Variants in DMD observed in about 807,000 individuals in gnomAD.
The protein encoded by DMD is mutant dystrophin.
In DMD, 63 loss-of-function variants were observed where a neutral mutation model predicts 330.1. The ratio of observed to expected loss-of-function variants is 0.19; its 90% CI spans 0.16 to 0.24. The LOEUF is 0.24. DMD is among the 10% of genes least tolerant of loss of function. DMD has a pLI of 1.00. For synonymous variants in DMD, 1,223 were observed against 959.8 expected (o/e 1.27, Z -5.07); for missense variants, 3,344 against 2,684.1 (o/e 1.25, Z -5.43).
At chrX:33,037,276 G>C (rs1439499230) in intron 1 of DMD, among the ~76,000 whole-genome samples, 1 of 110,426 alleles carries the variant, frequency 9.1e-6, no homozygotes, top group Non-Finnish European at 1.9e-5. Context: ...ATTCAGATGG[G>C]AAGTTGCTCT....
intron 1 of DMD, among the ~76,000 whole-genome samples, chrX:33,218,794 TC>T (rs2052106260): frequency 1.8e-5 from 2 of 111,801 alleles, no homozygotes; most frequent in Middle Eastern, 4.7e-3. Flanking sequence ...ATTTTAAAAA[TC>T]GTTTTTTTCC....
At chrX:32,785,760 G>C (rs985005161) in intron 7 of DMD, among the ~76,000 whole-genome samples, 3 of 110,751 alleles carry the variant, frequency 2.7e-5, no homozygotes, top group Non-Finnish European at 5.7e-5. Context: ...CAAAATTCGA[G>C]ATATAATAGA....
intron 43 of DMD, among the ~76,000 whole-genome samples, chrX:32,259,977 T>G (rs984985973): frequency 9.0e-6 from 1 of 111,409 alleles, no homozygotes; most frequent in African/African-American, 3.3e-5. Flanking sequence ...CATGGAAGGA[T>G]CATTTAGTGG....
chrX:31,349,804 G>A (rs769279844), intron 60 of DMD, among the ~76,000 whole-genome samples: 149 of 111,707 alleles, frequency 1.3e-3, no homozygotes, highest in African/African-American at 4.6e-3. Flanking sequence ...GCTAAACTAG[G>A]GGTTGATCAG....
chrX:31,929,685 C>T lies in DMD; in HGVS notation c.6823G>A (p.Gly2275Arg). The T allele has an allele frequency of 8.3e-7, 1 of 1,211,453 alleles. No homozygotes were observed. Among genetic ancestry groups the T allele is most frequent in the South Asian group, 1.8e-5 (1 of 56,990 alleles). The change falls in exon 47 of 79, where the codon GGA (glycine) becomes AGA (arginine). Residue 2275 changes from glycine to arginine, a missense_variant. Transcript: ENST00000357033. The stretch of plus-strand genomic sequence containing the variant: ...ATGGGAGCACTTACAAGCACGGGTC[C>T]TCCAGTTTCATTTAATTGTTTGAGA... Reference protein sequence around the residue: ...GILKQLNETGGPVLVSAPISP... With the variant: ...GILKQLNETGRPVLVSAPISP...
chrX:31,201,266 C>CA (rs1052562967), intron 67 of DMD, among the ~76,000 whole-genome samples: 1 of 111,349 alleles, frequency 9.0e-6, no homozygotes, highest in Non-Finnish European at 1.9e-5. Flanking sequence ...CCCAGCTACT[C>CA]AGGAGGCTGA....
At chrX:31,753,308 T>C (rs1278004969) in intron 51 of DMD, among the ~76,000 whole-genome samples, 1 of 112,212 alleles carries the variant, frequency 8.9e-6, no homozygotes, top group East Asian at 2.8e-4. Context: ...TGGCAGTAGA[T>C]GGATTTCTAA....
intron 1 of DMD, among the ~76,000 whole-genome samples, chrX:33,046,903 G>A (rs925756263): frequency 3.6e-5 from 4 of 111,818 alleles, no homozygotes; most frequent in South Asian, 3.7e-4. Flanking sequence ...TTTAATCTTC[G>A]TGTTAATCCA....
At chrX:32,561,703 A>T (rs1277557601) in intron 16 of DMD, among the ~76,000 whole-genome samples, 1 of 111,493 alleles carries the variant, frequency 9.0e-6, no homozygotes, top group Non-Finnish European at 1.9e-5. Context: ...CAGGGAATGC[A>T]AGATACTGAG....
At chrX:32,486,435 G>C (rs2042475209) in intron 20 of DMD, among the ~76,000 whole-genome samples, 2 of 111,236 alleles carry the variant, frequency 1.8e-5, no homozygotes, top group African/African-American at 6.5e-5. Flanking sequence ...TATGTGGCTT[G>C]AATTTGTGGC....
At chrX:31,741,726 C>T (rs1422014748) in intron 51 of DMD, among the ~76,000 whole-genome samples, 1 of 109,578 alleles carries the variant, frequency 9.1e-6, no homozygotes, top group Non-Finnish European at 1.9e-5. Context: ...GAATGGTAAA[C>T]GAGCACTGGC....
intron 2 of DMD, among the ~76,000 whole-genome samples, chrX:32,914,016 C>T (rs2087548622): frequency 9.0e-6 from 1 of 111,593 alleles, no homozygotes; most frequent in Non-Finnish European, 1.9e-5. Context: ...TGATCAGCTA[C>T]CAAATGAGCT....
At chrX:33,209,393 T>A (rs1321441550) in intron 1 of DMD, among the ~76,000 whole-genome samples, 1 of 111,598 alleles carries the variant, frequency 9.0e-6, no homozygotes, top group Non-Finnish European at 1.9e-5. Flanking sequence ...TTAAATATAT[T>A]CAAATGAAAT....
intron 63 of DMD, among the ~76,000 whole-genome samples, chrX:31,254,037 A>G (rs995024232): frequency 8.9e-5 from 10 of 112,344 alleles, no homozygotes; most frequent in Admixed American, 8.5e-4. Flanking sequence ...AAGGAAAACC[A>G]GTACCCCTTG....
intron 2 of DMD, among the ~76,000 whole-genome samples, chrX:32,969,230 T>C (rs1317814473): frequency 4.6e-5 from 3 of 65,836 alleles, no homozygotes; most frequent in African/African-American, 2.9e-4. Flanking sequence ...AGAAATATAA[T>C]ATCTATATGT....
At chrX:32,514,235 GA>G (rs35838995) in intron 18 of DMD, among the ~76,000 whole-genome samples, 25,414 of 77,043 alleles carry the variant, frequency 0.33, 3,165 homozygotes, top group East Asian at 0.52. Context: ...AAGGCAGGTG[GA>G]AAAAAAAAAA....
intron 74 of DMD, among the ~76,000 whole-genome samples, chrX:31,160,347 C>T: frequency 9.0e-6 from 1 of 111,325 alleles, no homozygotes; most frequent in East Asian, 2.8e-4. Flanking sequence ...AGGGTAACTG[C>T]TTCACCACTA....
intron 4 of DMD, among the ~76,000 whole-genome samples, chrX:32,838,521 T>C (rs1190801815): frequency 9.0e-6 from 1 of 111,643 alleles, no homozygotes; most frequent in East Asian, 2.8e-4. Context: ...CTTGTGTTAG[T>C]TTGCTGAGAA....
intron 42 of DMD, among the ~76,000 whole-genome samples, chrX:32,289,272 C>T (rs1356005487): frequency 1.8e-5 from 2 of 110,566 alleles, no homozygotes; most frequent in Non-Finnish European, 3.8e-5. Context: ...ATACAAGAGA[C>T]CCTAATAGTT....
Sources: gnomAD v4.1 joint callset for allele counts (sites outside exome capture counted in the v4.1 genomes callset) on GRCh38, gnomAD v4.1.1 for gene constraint, MANE v1.5 for transcripts, NCBI Gene and HGNC (gene_info 2026-07-23, HGNC 2026-07-21) for gene names.